VPS8: variants seen among roughly 807,000 people sequenced by gnomAD.
VPS8 encodes the protein vacuolar protein sorting-associated protein 8 homolog.
Under a neutral mutation model 216.4 loss-of-function variants are expected in VPS8, and 129 were observed. That is an observed-to-expected ratio of 0.60 (90% CI 0.52 to 0.69). The LOEUF is 0.69. Among genes scored for constraint, VPS8 ranks in the 30% least tolerant of loss-of-function variants. The probability of loss-of-function intolerance (pLI) is 0.00; values close to 1 mark genes in which losing one functional copy is unlikely to be tolerated. For missense variants in VPS8, 1,531 were observed against 1,683.5 expected, an observed-to-expected ratio of 0.91 and a Z score of 1.59; for synonymous variants, 571 against 565.4, an observed-to-expected ratio of 1.01 and a Z score of -0.14.
intron 24 of VPS8, among the ~76,000 whole-genome samples, chr3:184,899,049 T>C (rs928923912): frequency 2.6e-5 from 4 of 152,210 alleles, no homozygotes; most frequent in Non-Finnish European, 5.9e-5. Context: ...TTTGTAGATA[T>C]ATTCTGCTGG....
chr3:184,836,718 T>A (rs921392564), intron 5 of VPS8, among the ~76,000 whole-genome samples: 2 of 152,212 alleles, frequency 1.3e-5, no homozygotes, highest in Non-Finnish European at 2.9e-5. Flanking sequence ...TATTTTTGGA[T>A]ATTTCTCCCT....
chr3:184,867,617 G>C (rs570462194), intron 17 of VPS8, among the ~76,000 whole-genome samples: 3 of 152,204 alleles, frequency 2.0e-5, no homozygotes, highest in Non-Finnish European at 4.4e-5. Context: ...AGGTCTTGGC[G>C]GGCAGATCAC....
At chr3:184,857,655 C>T (rs1419380517) in intron 14 of VPS8, among the ~76,000 whole-genome samples, 1 of 152,214 alleles carries the variant, frequency 6.6e-6, no homozygotes, top group Admixed American at 6.5e-5. Flanking sequence ...TAAAATGTCA[C>T]TTTAATCCCG....
At chr3:184,848,910 A>C in intron 8 of VPS8, 161 bp from the exon 9 acceptor site, 1 of 693,540 alleles carries the variant, frequency 1.4e-6, no homozygotes, top group Non-Finnish European at 2.3e-6. Flanking sequence ...AACGCCCAGC[A>C]TCTGCTAGTT....
Position 185,052,571 on chromosome 3 carries a change from C to T in VPS8, c.*546C>T, listed in dbSNP as rs554250577. On this transcript the variant is annotated 3_prime_UTR_variant, in exon 48 of 48. Transcript: ENST00000625842. ...AAACCTATTTGAGTGTAAGACTTGC[C>T]CTTTCTAACAATAAATGCTCCGTGT... The T allele has an allele frequency of 3.9e-5, 6 of 152,236 alleles. 1 individual carries two copies. The South Asian group carries it at 1.2e-3, about 32-fold the overall frequency. The allele number at this position is 152,236 out of a possible 1,614,324, so 9.4% of individuals were successfully genotyped here. A position where few individuals can be genotyped will look rare whatever the true frequency, so the allele number is the denominator to read the frequency against.
intron 21 of VPS8, among the ~76,000 whole-genome samples, chr3:184,883,270 A>G (rs1730590446): frequency 6.6e-6 from 1 of 152,134 alleles, no homozygotes; most frequent in African/African-American, 2.4e-5. Flanking sequence ...GTCCTTGGAC[A>G]ATTTTATTTC....
chr3:184,857,890 C>T (rs1206549510), intron 14 of VPS8, among the ~76,000 whole-genome samples: 1 of 152,130 alleles, frequency 6.6e-6, no homozygotes, highest in Non-Finnish European at 1.5e-5. Flanking sequence ...GGCTCTAGAT[C>T]CCATGTTCAT....
At chr3:185,032,903 G>A (rs536592816) in intron 46 of VPS8, among the ~76,000 whole-genome samples, 2 of 152,142 alleles carry the variant, frequency 1.3e-5, no homozygotes, top group Non-Finnish European at 2.9e-5. Context: ...TCCTGACCTC[G>A]TGATCCGCCT....
chr3:184,930,646 T>C (rs1740515034), intron 34 of VPS8, 78 bp downstream of exon 34: 1 of 1,012,462 alleles, frequency 9.9e-7, no homozygotes. Flanking sequence ...AACGAAGCAA[T>C]GGCATGTATC....
chr3:185,018,603 G>T (rs1042278119), intron 45 of VPS8, among the ~76,000 whole-genome samples: 3 of 152,178 alleles, frequency 2.0e-5, no homozygotes, highest in Non-Finnish European at 4.4e-5. Context: ...GAATAAGAGC[G>T]TCCCAGTCAG....
chr3:185,046,436 C>T (rs934945287), intron 46 of VPS8, among the ~76,000 whole-genome samples: 50 of 152,200 alleles, frequency 3.3e-4, no homozygotes, highest in African/African-American at 1.2e-3. Context: ...CTGTTAATCT[C>T]ATGGTGCCCA....
Position 184,996,442 on chromosome 3 carries a change from T to C in VPS8, c.3777T>C (p.Ser1259=). ...RGLNPKQDYC[S]ICLQQYKRRQ... Reference sequence around the variant, plus strand: ...TGAATCCCAAACAAGATTACTGCTCTATATGTTTGCAGCAGTACAAGAGAC... The same window carrying C: ...TGAATCCCAAACAAGATTACTGCTCCATATGTTTGCAGCAGTACAAGAGAC... The change falls in exon 44 of 48, where the codon TCT becomes TCC. Residue 1259 remains serine (S), a synonymous_variant. Transcript: ENST00000625842. The C allele has an allele frequency of 6.2e-7, 1 of 1,613,802 alleles. No homozygotes were observed. The highest frequency in any genetic ancestry group is 8.5e-7 in the Non-Finnish European group (1 of 1,179,790).
chr3:184,819,039 A>G (rs1716967179), intron 1 of VPS8, among the ~76,000 whole-genome samples: 1 of 152,206 alleles, frequency 6.6e-6, no homozygotes, highest in African/African-American at 2.4e-5. Context: ...TTGGCGTAAT[A>G]TAGGTCACAC....
chr3:184,949,540 G>A (rs991071677), intron 36 of VPS8, among the ~76,000 whole-genome samples: 2 of 152,154 alleles, frequency 1.3e-5, no homozygotes, highest in Non-Finnish European at 1.5e-5. Context: ...TATGTGGATC[G>A]TGGCGGTCTT....
intron 22 of VPS8, among the ~76,000 whole-genome samples, chr3:184,889,179 G>C (rs906265162): frequency 4.6e-4 from 70 of 152,134 alleles, no homozygotes; most frequent in African/African-American, 1.6e-3. Context: ...ATAAAATCTG[G>C]TCTAGATTTT....
intron 3 of VPS8, among the ~76,000 whole-genome samples, chr3:184,829,910 A>G (rs895424931): frequency 5.3e-5 from 8 of 152,128 alleles, no homozygotes; most frequent in African/African-American, 1.9e-4. Flanking sequence ...TGCTAATACA[A>G]GCCCTTTATT....
At chr3:184,985,157 T>C (rs1207347931) in intron 42 of VPS8, among the ~76,000 whole-genome samples, 1 of 151,970 alleles carries the variant, frequency 6.6e-6, no homozygotes, top group Admixed American at 6.5e-5. Context: ...TTCACAGATA[T>C]CATTTCATTT....
chr3:184,898,713 A>G (rs1243932562), intron 24 of VPS8, 59 bp downstream of exon 24: 8 of 1,324,220 alleles, frequency 6.0e-6, no homozygotes, highest in South Asian at 2.8e-5. Context: ...TTTTTCTCCT[A>G]TTCTCCATTT....
At chr3:184,891,835 G>T (rs535156146) in intron 22 of VPS8, among the ~76,000 whole-genome samples, 2 of 152,258 alleles carry the variant, frequency 1.3e-5, no homozygotes, top group African/African-American at 4.8e-5. Flanking sequence ...ATTGGCAAGG[G>T]TTAGGATTGA....
Sources: allele counts gnomAD v4.1 joint callset (sites outside exome capture counted in the v4.1 genomes callset), GRCh38; gene constraint gnomAD v4.1.1; transcripts MANE v1.5; gene names NCBI Gene and HGNC (gene_info 2026-07-23, HGNC 2026-07-21).